AKAP6: variants seen among roughly 807,000 people sequenced by gnomAD.
The protein encoded by AKAP6 is A-kinase anchoring protein 6, also known as A-kinase anchor protein 6.
A neutral mutation model predicts 188.5 loss-of-function variants in AKAP6; 58 were observed. That is an observed-to-expected ratio of 0.31 (90% CI 0.25 to 0.38). The LOEUF (loss-of-function observed/expected upper bound fraction) is 0.38. Ranked by LOEUF, AKAP6 falls within the 10% of genes least tolerant of loss-of-function variation. The pLI, the probability that AKAP6 is intolerant of heterozygous loss-of-function variation, is 1.00. For missense variants in AKAP6, 2,710 were observed against 2,740.0 expected, an observed-to-expected ratio of 0.99 and a Z score of 0.24; for synonymous variants, 989 against 998.6, an observed-to-expected ratio of 0.99 and a Z score of 0.18.
In AKAP6 at chr14:32,546,544, C is replaced by T; in HGVS notation, c.1891C>T (p.Leu631=). Residue 631 remains leucine, a synonymous_variant, in exon 4 of 14, where the codon CTA becomes TTA. Transcript: ENST00000280979. The part of the protein sequence containing the change: ...VEAWYGSDEY[L]ALPSHLKQTE... ...GGCCTGGTATGGCTCTGATGAATAC[C>T]TAGCACTGCCCTCTCACCTTAAGCA... is the stretch of plus-strand genomic sequence containing the variant. 1 of 1,614,154 alleles carries T rather than the reference C, an allele frequency of 6.2e-7. No homozygotes were observed. The highest frequency in any genetic ancestry group is 1.6e-4 in the Middle Eastern group (1 of 6,062).
intron 12 of AKAP6, among the ~76,000 whole-genome samples, chr14:32,814,763 G>T (rs922940371): frequency 6.6e-6 from 1 of 152,020 alleles, no homozygotes; most frequent in African/African-American, 2.4e-5. Context: ...GGGTCTCACT[G>T]TGTCATCCAG....
chr14:32,546,682 G>A lies in AKAP6; in HGVS notation c.2029G>A (p.Asp677Asn), dbSNP rs183536964. The A allele has an allele frequency of 6.8e-6, 11 of 1,614,088 alleles. No individual in the cohort carries two copies. The highest frequency in any genetic ancestry group is 9.3e-6 in the Non-Finnish European group (11 of 1,180,016). ...CTGGGAACTGTCTGAAATGAATTCA[G>A]ATTCTGAAATCTATCCAACCTATCA... ...DDWELSEMNS[D>N]SEIYPTYHVK... Residue 677 changes from aspartate to asparagine, a missense_variant, in exon 4 of 14, where the codon GAT becomes AAT. By Grantham distance (23) the Asp-to-Asn change is conservative (BLOSUM62 1). Transcript: ENST00000280979.
chr14:32,584,632 C>T (rs534761053), intron 5 of AKAP6, among the ~76,000 whole-genome samples: 1 of 152,304 alleles, frequency 6.6e-6, no homozygotes, highest in Non-Finnish European at 1.5e-5. Context: ...ATTCTTCCCT[C>T]CTACCCCTCC....
chr14:32,554,184 T>C (rs1334914201), intron 4 of AKAP6, among the ~76,000 whole-genome samples: 1 of 152,232 alleles, frequency 6.6e-6, no homozygotes, highest in Non-Finnish European at 1.5e-5. Flanking sequence ...AACTCAGCCA[T>C]GGTGTTTGTC....
chr14:32,752,066 G>A (rs2032159931), intron 11 of AKAP6, among the ~76,000 whole-genome samples: 1 of 152,162 alleles, frequency 6.6e-6, no homozygotes, highest in African/African-American at 2.4e-5. Context: ...AACACTGGGT[G>A]TTGAGATAGA....
intron 1 of AKAP6, among the ~76,000 whole-genome samples, chr14:32,334,358 A>G (rs1353627251): frequency 1.3e-5 from 2 of 152,184 alleles, no homozygotes; most frequent in Non-Finnish European, 2.9e-5. Context: ...TTTGTCCAGC[A>G]TATCCATGCT....
intron 11 of AKAP6, among the ~76,000 whole-genome samples, chr14:32,740,214 A>T (rs1007364443): frequency 6.6e-6 from 1 of 151,720 alleles, no homozygotes; most frequent in African/African-American, 2.4e-5. Context: ...CCATTTTTTG[A>T]TCATATTATT....
intron 12 of AKAP6, among the ~76,000 whole-genome samples, chr14:32,813,827 T>C (rs2034310317): frequency 6.6e-6 from 1 of 152,100 alleles, no homozygotes; most frequent in South Asian, 2.1e-4. Flanking sequence ...ATTCAAGGTC[T>C]TTGCAACTTA....
chr14:32,419,201 A>G (rs1163503959), intron 1 of AKAP6, among the ~76,000 whole-genome samples: 1 of 152,194 alleles, frequency 6.6e-6, no homozygotes, highest in African/African-American at 2.4e-5. Context: ...TCTTTCTGTA[A>G]TAAAGAATAT....
intron 1 of AKAP6, among the ~76,000 whole-genome samples, chr14:32,424,987 A>G (rs189159280): frequency 1.3e-5 from 2 of 152,340 alleles, no homozygotes; most frequent in African/African-American, 2.4e-5. Context: ...TCTTTATAAT[A>G]GAATGAATTA....
At chr14:32,577,920 G>T (rs1334460609) in intron 5 of AKAP6, among the ~76,000 whole-genome samples, 1 of 152,130 alleles carries the variant, frequency 6.6e-6, no homozygotes, top group Non-Finnish European at 1.5e-5. Context: ...AATTATGAAG[G>T]GGTGGAAACT....
chr14:32,455,299 T>C (rs1957021), intron 2 of AKAP6, among the ~76,000 whole-genome samples: 60,731 of 151,960 alleles, frequency 0.4, 16,794 homozygotes, highest in African/African-American at 0.79. Context: ...TATGAAAATA[T>C]GCAGATAATA....
chr14:32,690,675 G>A lies in AKAP6; in HGVS notation c.2880-5315G>A, dbSNP rs993932727. Among the ~76,000 whole-genome samples, 16 of 152,082 alleles carry A rather than the reference G, an allele frequency of 1.1e-4. No homozygotes were observed. The South Asian group carries it at 1.2e-3, about 12-fold the overall frequency. Reference sequence around the variant, plus strand: ...AAAATAAACACTAAAGAAAAATTTCGCACATCTATTTCTCTATAGCCTTGT... The same window carrying A: ...AAAATAAACACTAAAGAAAAATTTCACACATCTATTTCTCTATAGCCTTGT... On this transcript the variant is annotated intron_variant, in intron 8 of 13. Transcript: ENST00000280979.
chr14:32,735,623 T>G, intron 10 of AKAP6, 35 bp from the exon 11 acceptor site: 1 of 1,454,518 alleles, frequency 6.9e-7, no homozygotes, highest in Non-Finnish European at 9.3e-7. Flanking sequence ...TTTGTTTGTT[T>G]GTTTTATTTT....
chr14:32,824,078 C>G lies in AKAP6; in HGVS notation c.6265C>G (p.Gln2089Glu). 3.1e-6 allele frequency: 5 copies of G among 1,613,884 alleles called. No homozygotes were observed. Among genetic ancestry groups the G allele is most frequent in the Non-Finnish European group, 4.2e-6 (5 of 1,179,910 alleles). Residue 2089 changes from glutamine to glutamate, a missense_variant, in exon 13 of 14, where the codon CAA (glutamine) becomes GAA (glutamate). This residue lies in a region of AKAP6 where 2,473 missense variants were observed against 2,426.1 expected (regional missense o/e 1.02). Transcript: ENST00000280979. ...GGTGGCTGCTCCTACTTCATTAACT[C>G]AAATCAAGGAGAAAGTGTTGGAGCA... Reference protein sequence around the residue: ...NEVAAPTSLTQIKEKVLEHSH... With the variant: ...NEVAAPTSLTEIKEKVLEHSH...
At chr14:32,433,198 C>A in intron 1 of AKAP6, 1 of 302,506 alleles carries the variant, frequency 3.3e-6, no homozygotes, top group Non-Finnish European at 6.2e-6. Flanking sequence ...GATTTTGTTA[C>A]TAAGAAATAA....
chr14:32,816,262 G>A (rs1300647903), intron 12 of AKAP6, among the ~76,000 whole-genome samples: 1 of 152,106 alleles, frequency 6.6e-6, no homozygotes, highest in African/African-American at 2.4e-5. Context: ...GCATGATCAT[G>A]GCTCACTGCA....
intron 1 of AKAP6, among the ~76,000 whole-genome samples, chr14:32,406,517 T>C (rs1241546478): frequency 6.6e-6 from 1 of 152,200 alleles, no homozygotes; most frequent in Non-Finnish European, 1.5e-5. Context: ...GAATACAATG[T>C]TTTTATAAAG....
At position 32,822,868 on chromosome 14, in the gene AKAP6, G is replaced by A. The variant is rs377635525; in HGVS notation, c.5055G>A (p.Ala1685=). The change falls in exon 13 of 14, where the codon GCG becomes GCA. Residue 1685 remains alanine, a synonymous_variant. Transcript: ENST00000280979. ...CATCTTCTATCAATGAAGACTCAGCGGCATCTCTAACAGAACTTAGCAGCA... is the reference window on the plus strand; with the variant it reads ...CATCTTCTATCAATGAAGACTCAGCAGCATCTCTAACAGAACTTAGCAGCA... ...DIASSINEDS[A]ASLTELSSSD... 3.7e-5 allele frequency: 60 copies of A among 1,613,732 alleles called. No homozygotes were observed. Among genetic ancestry groups the A allele is most frequent in the African/African-American group, 1.7e-4 (13 of 74,900 alleles).
Sources: gnomAD v4.1 joint callset for allele counts (sites outside exome capture counted in the v4.1 genomes callset) on GRCh38, gnomAD v4.1.1 for gene constraint, gnomAD v4.1.1 regional missense constraint, MANE v1.5 for transcripts, NCBI Gene and HGNC (gene_info 2026-07-23, HGNC 2026-07-21) for gene names.